GPHN: variants seen among roughly 807,000 people sequenced by gnomAD.
The protein encoded by GPHN is gephyrin.
GPHN carries 17 observed loss-of-function variants against 95.5 expected under a neutral mutation model. That is an observed-to-expected ratio of 0.18 (90% CI 0.12 to 0.27). GPHN has a LOEUF of 0.27. Among genes scored for constraint, GPHN ranks in the 10% least tolerant of loss-of-function variants. The pLI is 1.00. For synonymous variants in GPHN, 320 were observed against 322.5 expected (o/e 0.99, Z 0.08); for missense variants, 660 against 978.1 (o/e 0.67, Z 4.34).
At chr14:66,924,436 C>A in intron 8 of GPHN, 144 bp downstream of exon 8, 1 of 689,602 alleles carries the variant, frequency 1.5e-6, no homozygotes, top group South Asian at 1.5e-5. Context: ...GTGTGAGTGC[C>A]ATTGAGTATA....
chr14:66,812,544 C>T (rs2060804655), intron 3 of GPHN, among the ~76,000 whole-genome samples: 1 of 152,020 alleles, frequency 6.6e-6, no homozygotes, highest in Non-Finnish European at 1.5e-5. Flanking sequence ...GGAACATATG[C>T]TTGTAATGAG....
the GPHN span, chr14:67,304,085 A>G: frequency 6.5e-6 from 1 of 153,224 alleles, no homozygotes; most frequent in Non-Finnish European, 1.5e-5. Context: ...CACCTTTTTA[A>G]AATAAAAAGT....
intron 19 of GPHN, 98 bp downstream of exon 19, chr14:67,159,586 A>C: frequency 1.3e-6 from 1 of 784,358 alleles, no homozygotes; most frequent in South Asian, 1.4e-5. Flanking sequence ...CCTATTATGA[A>C]TTAACTATTC....
the GPHN span, among the ~76,000 whole-genome samples, chr14:67,567,395 G>A: frequency 1.3e-5 from 2 of 152,144 alleles, no homozygotes; most frequent in Admixed American, 1.3e-4. Context: ...AACAGTCATA[G>A]GTTTCGTTTT....
the GPHN span, among the ~76,000 whole-genome samples, chr14:67,710,427 C>T: frequency 3.9e-5 from 6 of 152,004 alleles, no homozygotes; most frequent in African/African-American, 7.2e-5. Context: ...TTTATAAATC[C>T]GCTTATTGTG....
the GPHN span, chr14:67,204,971 A>G: frequency 5.0e-6 from 8 of 1,586,636 alleles, no homozygotes; most frequent in Non-Finnish European, 6.9e-6. Context: ...ATTGTCACAG[A>G]AGTCATAGAA....
chr14:66,678,381 G>GT (rs1295313102), intron 1 of GPHN, among the ~76,000 whole-genome samples: 1 of 148,788 alleles, frequency 6.7e-6, no homozygotes, highest in East Asian at 2.0e-4. Context: ...GCTTTCAATT[G>GT]TATTTTTTTA....
chr14:66,669,121 T>C (rs2066148396), intron 1 of GPHN, among the ~76,000 whole-genome samples: 1 of 152,136 alleles, frequency 6.6e-6, no homozygotes, highest in Non-Finnish European at 1.5e-5. Context: ...CCCAGCACTT[T>C]GCAAGGCCAA....
At chr14:67,058,525 G>A (rs2075692537) in intron 10 of GPHN, 124 bp from the exon 11 acceptor site, 1 of 847,814 alleles carries the variant, frequency 1.2e-6, no homozygotes, top group Admixed American at 1.8e-5. Context: ...AGGAGAAACA[G>A]TTTCTTACCT....
chr14:67,192,406 CA>C, the GPHN span, among the ~76,000 whole-genome samples: 6 of 151,886 alleles, frequency 4.0e-5, no homozygotes, highest in African/African-American at 1.5e-4. Context: ...ACACCTTGAA[CA>C]ATCAACATGT....
intron 1 of GPHN, among the ~76,000 whole-genome samples, chr14:66,620,226 C>A (rs1353006428): frequency 2.0e-5 from 3 of 152,130 alleles, no homozygotes; most frequent in African/African-American, 4.8e-5. Flanking sequence ...GCTATGGCTG[C>A]ATAAAGGATC....
At position 66,879,417 on chromosome 14, in the gene GPHN, A is replaced by C. The variant is rs549702810; in HGVS notation, c.295-522A>C. Among the ~76,000 whole-genome samples, 30 of 152,072 alleles carry C rather than the reference A, an allele frequency of 2.0e-4. No homozygotes were observed. In the South Asian group the frequency reaches 4.8e-3, roughly 24 times the overall value. On this transcript the variant is annotated intron_variant, in intron 4 of 22. Transcript: ENST00000478722. ...CAGTTAATTTACACTAAAGATTAGG[A>C]AGATGGTAAATGTAGAATTTTTCCT...
the GPHN span, among the ~76,000 whole-genome samples, chr14:67,538,035 A>G: frequency 6.6e-6 from 1 of 152,330 alleles, no homozygotes; most frequent in East Asian, 1.9e-4. Context: ...TCGTAATTTT[A>G]GCGGGGTATT....
At chr14:67,278,510 C>G in the GPHN span, among the ~76,000 whole-genome samples, 4 of 152,186 alleles carry the variant, frequency 2.6e-5, no homozygotes, top group African/African-American at 7.2e-5. Context: ...CCCCAGAATA[C>G]TGCTTGTATT....
At chr14:66,852,809 C>T (rs1003950095) in intron 4 of GPHN, among the ~76,000 whole-genome samples, 1 of 152,176 alleles carries the variant, frequency 6.6e-6, no homozygotes. Flanking sequence ...TTAGTGAACT[C>T]TCATTTGATG....
chr14:66,690,290 C>T (rs1272313825), intron 2 of GPHN, among the ~76,000 whole-genome samples: 1 of 151,934 alleles, frequency 6.6e-6, no homozygotes, highest in East Asian at 1.9e-4. Flanking sequence ...TTTATTGACC[C>T]ACGTTCATTG....
the GPHN span, among the ~76,000 whole-genome samples, chr14:67,623,249 G>C: frequency 6.6e-6 from 1 of 152,162 alleles, no homozygotes; most frequent in African/African-American, 2.4e-5. Flanking sequence ...AGTACCAAGA[G>C]ACATTTCAGT....
At chr14:66,804,630 A>G (rs1035169780) in intron 3 of GPHN, among the ~76,000 whole-genome samples, 2 of 152,210 alleles carry the variant, frequency 1.3e-5, no homozygotes, top group African/African-American at 4.8e-5. Flanking sequence ...CAGTCAGCCT[A>G]TGTCCAAAAT....
At chr14:66,833,080 G>C (rs564058479) in intron 4 of GPHN, among the ~76,000 whole-genome samples, 2 of 152,180 alleles carry the variant, frequency 1.3e-5, no homozygotes, top group Admixed American at 6.6e-5. Flanking sequence ...ACAGAAATGA[G>C]AGATTTACTG....
Sources: gnomAD v4.1 joint callset for allele counts (sites outside exome capture counted in the v4.1 genomes callset) on GRCh38, gnomAD v4.1.1 for gene constraint, MANE v1.5 for transcripts, NCBI Gene and HGNC (gene_info 2026-07-23, HGNC 2026-07-21) for gene names.